Variants in CADPS observed in about 807,000 individuals in gnomAD.
The protein encoded by CADPS is calcium dependent secretion activator.
CADPS carries 57 observed loss-of-function variants against 167.3 expected under a neutral mutation model. That is an observed-to-expected ratio of 0.34 (90% CI 0.28 to 0.42). The LOEUF is 0.42. CADPS is among the 20% of genes least tolerant of loss of function. The pLI is 1.00. For missense variants in CADPS, 1,414 were observed against 1,738.1 expected, an observed-to-expected ratio of 0.81 and a Z score of 3.32; for synonymous variants, 676 against 635.3, an observed-to-expected ratio of 1.06 and a Z score of -0.96.
At chr3:62,409,469 C>T (rs990188814) in intron 28 of CADPS, among the ~76,000 whole-genome samples, 9 of 152,108 alleles carry the variant, frequency 5.9e-5, no homozygotes, top group African/African-American at 1.2e-4. Flanking sequence ...TGTGGGGACT[C>T]GGGGGCATCC....
At chr3:62,789,890 A>C (rs1012934890) in intron 1 of CADPS, among the ~76,000 whole-genome samples, 1 of 152,134 alleles carries the variant, frequency 6.6e-6, no homozygotes, top group Admixed American at 6.6e-5. Flanking sequence ...CACTCCCTTC[A>C]ACAAACTTTT....
At chr3:62,805,702 T>C (rs1039898274) in intron 1 of CADPS, among the ~76,000 whole-genome samples, 2 of 152,180 alleles carry the variant, frequency 1.3e-5, no homozygotes, top group African/African-American at 2.4e-5. Context: ...TCCCCTCTGC[T>C]CTGTGTTCAG....
chr3:62,462,225 G>A (rs1395075534), intron 26 of CADPS, among the ~76,000 whole-genome samples: 3 of 152,222 alleles, frequency 2.0e-5, no homozygotes, highest in East Asian at 1.9e-4. Context: ...TTCGAAAGGC[G>A]CCTGCCTCCA....
intron 1 of CADPS, among the ~76,000 whole-genome samples, chr3:62,802,375 CTTACCACTTTCT>C (rs2093823486): frequency 6.6e-6 from 1 of 152,144 alleles, no homozygotes; most frequent in Non-Finnish European, 1.5e-5. Flanking sequence ...TGTTTTCCTT[CTTACCACTTTCT>C]TTACCTAATT....
At chr3:62,422,006 G>A (rs948955371) in intron 28 of CADPS, among the ~76,000 whole-genome samples, 3 of 152,162 alleles carry the variant, frequency 2.0e-5, no homozygotes, top group Non-Finnish European at 2.9e-5. Flanking sequence ...CAAAGACTGT[G>A]CTAAATACAT....
chr3:62,842,570 G>A (rs1441745536), intron 1 of CADPS, among the ~76,000 whole-genome samples: 1 of 152,182 alleles, frequency 6.6e-6, no homozygotes, highest in Non-Finnish European at 1.5e-5. Flanking sequence ...TTTATTGCAT[G>A]TCAGTGATGT....
At chr3:62,872,125 T>TTTGA (rs1560032179) in intron 1 of CADPS, among the ~76,000 whole-genome samples, 1 of 151,376 alleles carries the variant, frequency 6.6e-6, no homozygotes, top group Non-Finnish European at 1.5e-5. Flanking sequence ...ACATTTTTCC[T>TTTGA]CTTTTTCTAG....
At chr3:62,452,375 G>A (rs749313931) in intron 26 of CADPS, among the ~76,000 whole-genome samples, 1 of 152,120 alleles carries the variant, frequency 6.6e-6, no homozygotes, top group Non-Finnish European at 1.5e-5. Flanking sequence ...CAACTTTTTA[G>A]TTGCACTAGT....
rs1175909494 is a variant in CADPS at position 62,532,997 on chromosome 3, C to T, written c.2165G>A (p.Arg722Gln). 6.2e-6 allele frequency: 10 copies of T among 1,613,640 alleles called. No homozygotes were observed. Among genetic ancestry groups the T allele is most frequent in the African/African-American group, 1.3e-5 (1 of 74,886 alleles). Reference sequence around the variant, plus strand: ...GTAGCAGAGATGTCGGTGACACCCCCGGACTCCATTTCGGGCGCAATACTC... The same window carrying T: ...GTAGCAGAGATGTCGGTGACACCCCTGGACTCCATTTCGGGCGCAATACTC... ...LDEYCARNGV[R>Q]GCHRHLCYLR... Residue 722 changes from arginine (R) to glutamine (Q), a missense_variant, in exon 13 of 30, where the codon CGG becomes CAG. Coordinates refer to ENST00000383710, the MANE Select transcript of CADPS (RefSeq NM_003716.4).
In CADPS at chr3:62,455,000, C is replaced by T. The variant is rs764964189; in HGVS notation, c.3637-9203G>A. Among the ~76,000 whole-genome samples, 2 of 151,848 alleles carry T rather than the reference C, an allele frequency of 1.3e-5. 1 individual carries two copies. Among genetic ancestry groups the T allele is most frequent in the South Asian group, 4.2e-4 (2 of 4,796 alleles). The stretch of plus-strand genomic sequence containing the variant: ...AAGGAAATGATCTCTATTAAGCAAA[C>T]GCATTCTATTCCATGCTCTGATTAG... On this transcript the variant is annotated intron_variant, in intron 26 of 29. Transcript: ENST00000383710.
chr3:62,628,507 C>T (rs2064564615), intron 6 of CADPS, among the ~76,000 whole-genome samples: 1 of 152,066 alleles, frequency 6.6e-6, no homozygotes, highest in Non-Finnish European at 1.5e-5. Context: ...TCTTTTGCAA[C>T]TGTCTGGTTG....
intron 21 of CADPS, among the ~76,000 whole-genome samples, chr3:62,482,132 G>A (rs1344850476): frequency 6.6e-6 from 1 of 152,136 alleles, no homozygotes; most frequent in Non-Finnish European, 1.5e-5. Context: ...ATGCCTTTGG[G>A]AGGGGCCTTT....
chr3:62,630,448 C>T (rs912836018), intron 6 of CADPS, among the ~76,000 whole-genome samples: 2 of 152,136 alleles, frequency 1.3e-5, no homozygotes, highest in African/African-American at 2.4e-5. Flanking sequence ...TCAAGCCATT[C>T]TTGCATTCTT....
chr3:62,807,661 C>A (rs2094171569), intron 1 of CADPS, among the ~76,000 whole-genome samples: 2 of 151,998 alleles, frequency 1.3e-5, no homozygotes, highest in Admixed American at 6.6e-5. Flanking sequence ...GAGCTCATTT[C>A]TTTTGAAAAT....
At chr3:62,597,690 C>T (rs939514833) in intron 6 of CADPS, among the ~76,000 whole-genome samples, 2 of 152,118 alleles carry the variant, frequency 1.3e-5, no homozygotes, top group African/African-American at 4.8e-5. Flanking sequence ...ATCAGCTGGA[C>T]GGAATTCAGG....
intron 1 of CADPS, among the ~76,000 whole-genome samples, chr3:62,855,091 A>ATTATTTTTTTTTTT (rs2079404203): frequency 4.3e-5 from 4 of 92,702 alleles, no homozygotes; most frequent in African/African-American, 1.4e-4. Flanking sequence ...TGCCCGGCTA[A>ATTATTTTTTTTTTT]TTTTTTTTTT....
chr3:62,719,949 G>C (rs2075424919), intron 3 of CADPS, among the ~76,000 whole-genome samples: 1 of 152,188 alleles, frequency 6.6e-6, no homozygotes, highest in South Asian at 2.1e-4. Flanking sequence ...ACCCTCCAGA[G>C]CTTTCTTTTG....
At chr3:62,526,698 T>A (rs1350407330) in intron 13 of CADPS, among the ~76,000 whole-genome samples, 1 of 152,222 alleles carries the variant, frequency 6.6e-6, no homozygotes, top group Non-Finnish European at 1.5e-5. Flanking sequence ...CAGCTGAGCA[T>A]ACTCACATTT....
intron 5 of CADPS, among the ~76,000 whole-genome samples, chr3:62,648,564 C>A (rs1306562025): frequency 6.6e-6 from 1 of 151,562 alleles, no homozygotes; most frequent in East Asian, 1.9e-4. Flanking sequence ...CACCTGTAGT[C>A]CCAGCTACTT....
Sources: allele counts gnomAD v4.1 joint callset (sites outside exome capture counted in the v4.1 genomes callset), GRCh38; gene constraint gnomAD v4.1.1; transcripts MANE v1.5; gene names NCBI Gene and HGNC (gene_info 2026-07-23, HGNC 2026-07-21).